Variants in NADK observed in about 807,000 individuals in gnomAD.
The protein encoded by NADK is NAD kinase.
A neutral mutation model predicts 49.8 loss-of-function variants in NADK; 22 were observed. The ratio of observed to expected loss-of-function variants is 0.44; its 90% CI spans 0.32 to 0.63. The LOEUF is 0.63. Among genes scored for constraint, NADK ranks in the 30% least tolerant of loss-of-function variants. The pLI is 0.06. For missense variants in NADK, 438 were observed against 609.4 expected, an observed-to-expected ratio of 0.72 and a Z score of 2.96; for synonymous variants, 268 against 253.7, an observed-to-expected ratio of 1.06 and a Z score of -0.54.
intron 4 of NADK, 33 bp downstream of exon 4, chr1:1,757,148 A>AACC: frequency 9.3e-6 from 8 of 859,186 alleles, no homozygotes; most frequent in Admixed American, 2.3e-5. Flanking sequence ...CTCCATGTGC[A>AACC]CCCCAGGCCC....
At position 1,754,842 on chromosome 1, in the gene NADK, G is replaced by A; in HGVS notation, c.689-144C>T. ...CTGTGCCTTTTTCTTTTTATTTTGA[G>A]ATGGAGTCTCACTCTGTCACCCAGG... is the stretch of plus-strand genomic sequence containing the variant. On this transcript the variant is annotated intron_variant, in intron 7 of 11. Transcript: ENST00000341426. The surrounding 1 kb of genome is among the most constrained non-coding windows in gnomAD (Gnocchi z 4.3). 2.6e-6 allele frequency: 2 copies of A among 760,228 alleles called. No individual in the cohort carries two copies. The highest frequency in any genetic ancestry group is 4.1e-6 in the Non-Finnish European group (2 of 485,350). The allele number at this position is 760,228 out of a possible 1,614,324, so 47.1% of individuals were successfully genotyped here.
chr1:1,770,123 C>G (rs111431482), intron 1 of NADK, among the ~76,000 whole-genome samples: 1 of 151,306 alleles, frequency 6.6e-6, no homozygotes, highest in Admixed American at 6.6e-5. Context: ...TGCAGTGAGC[C>G]GAGATCGCAC....
At chr1:1,756,206 C>G in intron 6 of NADK, 52 bp downstream of exon 6, 1 of 1,506,824 alleles carries the variant, frequency 6.6e-7, no homozygotes, top group Non-Finnish European at 9.2e-7. Flanking sequence ...CCCCTCGTTA[C>G]GCAGCACCTA....
At chr1:1,753,475 C>A in intron 11 of NADK, 92 bp downstream of exon 11, 1 of 1,036,832 alleles carries the variant, frequency 9.6e-7, no homozygotes, top group Admixed American at 2.3e-5. Context: ...AGGGGACAAG[C>A]TGTGTCTACA....
At chr1:1,767,128 G>C (rs1645913285) in intron 1 of NADK, among the ~76,000 whole-genome samples, 1 of 151,910 alleles carries the variant, frequency 6.6e-6, no homozygotes, top group African/African-American at 2.4e-5. Flanking sequence ...TGTTGGCCAG[G>C]CTGGTCTCCA....
At chr1:1,753,455 G>C (rs375171781) in intron 11 of NADK, 112 bp downstream of exon 11, 3 of 833,974 alleles carry the variant, frequency 3.6e-6, no homozygotes, top group African/African-American at 3.4e-5. Context: ...CTCAGGCCCT[G>C]TGGTGCCCTA....
At chr1:1,771,092 ATAT>A (rs1296871023) in intron 1 of NADK, among the ~76,000 whole-genome samples, 2 of 147,648 alleles carry the variant, frequency 1.4e-5, no homozygotes, top group Non-Finnish European at 3.0e-5. Context: ...ACACACACAT[ATAT>A]TATTAAAAAT....
At chr1:1,776,936 G>A (rs1447525897) in intron 1 of NADK, among the ~76,000 whole-genome samples, 1 of 149,800 alleles carries the variant, frequency 6.7e-6, no homozygotes, top group African/African-American at 2.5e-5. Context: ...AAATCAGCTA[G>A]GTGTGGTGGT....
chr1:1,757,135 C>G (rs1645553107), intron 4 of NADK, 46 bp downstream of exon 4: 2 of 1,546,782 alleles, frequency 1.3e-6, no homozygotes, highest in Non-Finnish European at 1.7e-6. Context: ...GAGGCCCCCC[C>G]AACTCCATGT....
Position 1,754,083 on chromosome 1 carries a change from G to A in NADK, c.1069C>T (p.Pro357Ser), listed in dbSNP as rs781089281. The A allele has an allele frequency of 6.2e-7, 1 of 1,603,684 alleles. No individual in the cohort carries two copies. The highest frequency in any genetic ancestry group is 8.5e-7 in the Non-Finnish European group (1 of 1,174,732). ...TCGACCCCTGCGGGGACCACGATGG[G>A]CCGGAAGGACAGCGAGTGGGGGCAG... Reference protein sequence around the residue: ...PICPHSLSFRPIVVPAGVELK... With the variant: ...PICPHSLSFRSIVVPAGVELK... Residue 357 changes from proline to serine, a missense_variant, in exon 10 of 12, where the codon CCC (proline) becomes TCC (serine). Transcript: ENST00000341426. This position sits in a 1 kb window ranked among gnomAD's most constrained non-coding sequence, Gnocchi z 4.3.
chr1:1,774,663 C>T (rs955862479), intron 1 of NADK, among the ~76,000 whole-genome samples: 15 of 152,076 alleles, frequency 9.9e-5, no homozygotes, highest in Middle Eastern at 3.4e-3. Flanking sequence ...GCGTGGCCAC[C>T]GTGCGCGGTC....
At chr1:1,775,296 C>T (rs34238514) in intron 1 of NADK, among the ~76,000 whole-genome samples, 20,007 of 152,128 alleles carry the variant, frequency 0.13, 1,724 homozygotes, top group Middle Eastern at 0.3. Flanking sequence ...TACACGAGTT[C>T]GTTCCCATGT....
At chr1:1,766,633 C>A (rs1451175821) in intron 1 of NADK, among the ~76,000 whole-genome samples, 4 of 151,596 alleles carry the variant, frequency 2.6e-5, no homozygotes, top group Admixed American at 2.6e-4. Context: ...AATATTAAGC[C>A]TCAAAGAAAA....
Position 1,754,595 on chromosome 1 carries a change from C to T in NADK, c.792G>A (p.Ser264=), listed in dbSNP as rs746096137. 21 of 1,612,572 alleles carry T rather than the reference C, an allele frequency of 1.3e-5. No individual in the cohort carries two copies. The highest frequency in any genetic ancestry group is 1.2e-4 in the African/African-American group (9 of 74,988). The change falls in exon 8 of 12, where the codon TCG becomes TCA. Residue 264 remains serine (S), a synonymous_variant. Transcript: ENST00000341426. The surrounding 1 kb of genome is among the most constrained non-coding windows in gnomAD (Gnocchi z 4.3). ...AVHNGLGENG[S]QAAGLDMDVG... ...CATCCATGTCCAGGCCTGCAGCCTG[C>T]GAGCCGTTCTCACCCAGCCCATTGT...
At chr1:1,759,326 C>A in intron 3 of NADK, 1 of 1,440,952 alleles carries the variant, frequency 6.9e-7, no homozygotes, top group Admixed American at 2.4e-5. Flanking sequence ...GTGAAGCTTG[C>A]AGGCACACAC....
chr1:1,765,486 A>T (rs1272768175), intron 1 of NADK, 40 bp from the exon 2 acceptor site: 2 of 997,686 alleles, frequency 2.0e-6, no homozygotes, highest in Admixed American at 6.7e-5. Context: ...AAAGTAAATA[A>T]ATATGTATGA....
At chr1:1,773,725 TGTGTGAGA>T (rs1646125524) in intron 1 of NADK, among the ~76,000 whole-genome samples, 1 of 131,994 alleles carries the variant, frequency 7.6e-6, no homozygotes, top group African/African-American at 3.0e-5. Flanking sequence ...TGTGTGTGTG[TGTGTGAGA>T]GAGAGAGAGA....
Position 1,754,460 on chromosome 1 carries a change from C to A in NADK, c.844-77G>T. On this transcript the variant is annotated intron_variant, in intron 8 of 11. Coordinates refer to ENST00000341426, the MANE Select transcript of NADK (RefSeq NM_023018.5). This position sits in a 1 kb window ranked among gnomAD's most constrained non-coding sequence, Gnocchi z 4.3. Reference sequence around the variant, plus strand: ...GCAGACACCCTCCGTCTCACCCAGCCGGGCTCTCCGGAAGGTCCTCATCCC... The same window carrying A: ...GCAGACACCCTCCGTCTCACCCAGCAGGGCTCTCCGGAAGGTCCTCATCCC... 6.2e-7 allele frequency: 1 copy of A among 1,605,800 alleles called. No homozygotes were observed. The highest frequency in any genetic ancestry group is 8.5e-7 in the Non-Finnish European group (1 of 1,174,562).
At chr1:1,771,558 C>T (rs1646052574) in intron 1 of NADK, among the ~76,000 whole-genome samples, 1 of 152,090 alleles carries the variant, frequency 6.6e-6, no homozygotes, top group Non-Finnish European at 1.5e-5. Flanking sequence ...GACGGCCAGC[C>T]CAAAGGTAGA....
Sources: allele counts gnomAD v4.1 joint callset (sites outside exome capture counted in the v4.1 genomes callset), GRCh38; gene constraint gnomAD v4.1.1; non-coding constraint Gnocchi (gnomAD v3.1); transcripts MANE v1.5; gene names NCBI Gene and HGNC (gene_info 2026-07-23, HGNC 2026-07-21).